TRPM6: variants seen among roughly 807,000 people sequenced by gnomAD.
The protein encoded by TRPM6 is channel kinase 2.
A neutral mutation model predicts 247.6 loss-of-function variants in TRPM6; 111 were observed. The ratio of observed to expected loss-of-function variants is 0.45; its 90% CI spans 0.38 to 0.52. The LOEUF (loss-of-function observed/expected upper bound fraction) is 0.52. Ranked by LOEUF, TRPM6 falls within the 20% of genes least tolerant of loss-of-function variation. The pLI, the probability that TRPM6 is intolerant of heterozygous loss-of-function variation, is 0.00. For synonymous variants in TRPM6, 892 were observed against 853.8 expected (o/e 1.04, Z -0.78); for missense variants, 2,126 against 2,421.5 (o/e 0.88, Z 2.56).
At chr9:74,886,964 C>T (rs912076026) in intron 1 of TRPM6, among the ~76,000 whole-genome samples, 2 of 152,172 alleles carry the variant, frequency 1.3e-5, no homozygotes, top group Non-Finnish European at 2.9e-5. Context: ...ATACAATGTG[C>T]TCAATTATAC....
At position 74,874,201 on chromosome 9, in the gene TRPM6, A is replaced by C. The variant is rs1831119035; in HGVS notation, c.33+13623T>G. 2.6e-5 allele frequency among the ~76,000 whole-genome samples: 4 copies of C among 151,326 alleles called. No homozygotes were observed. In the Admixed American group the frequency reaches 2.6e-4, roughly 10 times the overall value. ...CCATTAGCTGAGATTGTGCCACTGC[A>C]CTCCAGCCTGGGTGACAGAGTGAGA... On this transcript the variant is annotated intron_variant, in intron 1 of 38. Coordinates refer to ENST00000360774, the MANE Select transcript of TRPM6 (RefSeq NM_017662.5).
At chr9:74,730,711 C>T (rs2118691670) in intron 37 of TRPM6, among the ~76,000 whole-genome samples, 1 of 152,284 alleles carries the variant, frequency 6.6e-6, no homozygotes, top group African/African-American at 2.4e-5. Context: ...GGTCCACGTC[C>T]CATGCTTCGT....
At chr9:74,781,551 A>AG (rs1315229759) in intron 23 of TRPM6, among the ~76,000 whole-genome samples, 12,242 of 148,434 alleles carry the variant, frequency 0.082, 626 homozygotes, top group Middle Eastern at 0.13. Context: ...AAAAAAAAAA[A>AG]AAGAAGAAAA....
At chr9:74,832,653 T>A (rs913961569) in intron 6 of TRPM6, among the ~76,000 whole-genome samples, 1 of 152,194 alleles carries the variant, frequency 6.6e-6, no homozygotes, top group Non-Finnish European at 1.5e-5. Flanking sequence ...CGAAACAAAA[T>A]TGGCTATGAG....
chr9:74,725,310 G>A (rs1228033829), intron 38 of TRPM6, among the ~76,000 whole-genome samples: 2 of 152,246 alleles, frequency 1.3e-5, no homozygotes, highest in East Asian at 3.9e-4. Context: ...GAGTTAAAAT[G>A]TTTGTGACCT....
At chr9:74,876,167 T>A (rs1831187228) in intron 1 of TRPM6, among the ~76,000 whole-genome samples, 1 of 152,196 alleles carries the variant, frequency 6.6e-6, no homozygotes, top group South Asian at 2.1e-4. Context: ...CACTGCAACC[T>A]CCACCTCTCA....
chr9:74,887,008 C>CA (rs1225000708), intron 1 of TRPM6, among the ~76,000 whole-genome samples: 3 of 152,204 alleles, frequency 2.0e-5, no homozygotes, highest in Admixed American at 6.5e-5. Flanking sequence ...AAAGTCCAGA[C>CA]AAAATAGGCG....
Position 74,723,816 on chromosome 9 carries a change from ATAT to A in TRPM6, c.*794_*796del, listed in dbSNP as rs1443888008. 6.9e-6 allele frequency: 1 copy of A among 144,168 alleles called. No individual in the cohort carries two copies. The highest frequency in any genetic ancestry group is 1.5e-5 in the Non-Finnish European group (1 of 65,236). The allele number at this position is 144,168 out of a possible 1,614,324, so 8.9% of individuals were successfully genotyped here. A position where few individuals can be genotyped will look rare whatever the true frequency, so the allele number is the denominator to read the frequency against. On this transcript the variant is annotated 3_prime_UTR_variant, in exon 39 of 39. Coordinates refer to ENST00000360774, the MANE Select transcript of TRPM6 (RefSeq NM_017662.5). ...CCATCTCAAAAATAAAAATATATATATATATATATAAAATATATATATTCCATA... is the reference window on the plus strand; with the variant it reads ...CCATCTCAAAAATAAAAATATATATAATATATAAAATATATATATTCCATA...
At position 74,839,855 on chromosome 9, in the gene TRPM6, GAGGA is replaced by G. The variant is rs527635762; in HGVS notation, c.544+165_544+168del. 0.06 allele frequency among the ~76,000 whole-genome samples: 4,339 copies of G among 72,436 alleles called. 214 individuals carry two copies. Among genetic ancestry groups the G allele is most frequent in the Middle Eastern group, 0.12 (15 of 122 alleles). The allele number at this position is 72,436 out of a possible 152,430, so 47.5% of individuals were successfully genotyped here. ...AGAAAAAAGAAAAAGAGAAGAGAGA[GAGGA>G]AGGAAGGAAGGAAGGAAGGAAGGAA... On this transcript the variant is annotated intron_variant, in intron 5 of 38. Transcript: ENST00000360774.
chr9:74,809,134 G>A (rs900057929), intron 13 of TRPM6, among the ~76,000 whole-genome samples: 4 of 152,208 alleles, frequency 2.6e-5, no homozygotes, highest in African/African-American at 2.4e-5. Context: ...GGTTCAGTTC[G>A]AGACCACCAC....
In TRPM6 at chr9:74,723,222, T is replaced by C. The variant is rs923954574; in HGVS notation, c.*1391A>G. ...AACCAATGACATGTTCTCAGCCATATTTCAAAATATATATACATTCTTTAT... is the reference window on the plus strand; with the variant it reads ...AACCAATGACATGTTCTCAGCCATACTTCAAAATATATATACATTCTTTAT... On this transcript the variant is annotated 3_prime_UTR_variant, in exon 39 of 39. Coordinates refer to ENST00000360774, the MANE Select transcript of TRPM6 (RefSeq NM_017662.5). 6.6e-6 allele frequency: 1 copy of C among 152,216 alleles called. No individual in the cohort carries two copies. The highest frequency in any genetic ancestry group is 1.5e-5 in the Non-Finnish European group (1 of 68,046). The allele number at this position is 152,216 out of a possible 1,614,324, so 9.4% of individuals were successfully genotyped here. A position where few individuals can be genotyped will look rare whatever the true frequency, so the allele number is the denominator to read the frequency against.
chr9:74,884,933 ATGG>A (rs1204116402), intron 1 of TRPM6, among the ~76,000 whole-genome samples: 1 of 152,214 alleles, frequency 6.6e-6, no homozygotes, highest in East Asian at 1.9e-4. Flanking sequence ...TCCCCAAATG[ATGG>A]TGAAGAGAGA....
At chr9:74,802,573 A>C (rs7848706) in intron 15 of TRPM6, among the ~76,000 whole-genome samples, 20,440 of 152,148 alleles carry the variant, frequency 0.13, 1,415 homozygotes, top group East Asian at 0.23. Context: ...TAGAGACTAC[A>C]TGACAACTTT....
chr9:74,730,636 T>C (rs543380486), intron 37 of TRPM6, among the ~76,000 whole-genome samples: 21 of 152,318 alleles, frequency 1.4e-4, no homozygotes, highest in African/African-American at 5.1e-4. Flanking sequence ...TTTGGTTCAG[T>C]ATTTCTGGGG....
Position 74,796,725 on chromosome 9 carries a change from A to C in TRPM6, c.2391+16T>G. 6.2e-7 allele frequency: 1 copy of C among 1,613,360 alleles called. No individual in the cohort carries two copies. Among genetic ancestry groups the C allele is most frequent in the Non-Finnish European group, 8.5e-7 (1 of 1,179,306 alleles). On this transcript the variant is annotated intron_variant, in intron 18 of 38. Coordinates refer to ENST00000360774, the MANE Select transcript of TRPM6 (RefSeq NM_017662.5). ...CAATACAATGAAAATTCAGTTCATT[A>C]TGATTTTGCACTAACCACAGAAGCA...
chr9:74,879,674 G>A (rs565770773), intron 1 of TRPM6, among the ~76,000 whole-genome samples: 1 of 152,266 alleles, frequency 6.6e-6, no homozygotes, highest in African/African-American at 2.4e-5. Context: ...GACCAGGTTT[G>A]GTGAGTTCCT....
intron 6 of TRPM6, among the ~76,000 whole-genome samples, chr9:74,828,745 C>T (rs2118068459): frequency 6.6e-6 from 1 of 151,280 alleles, no homozygotes; most frequent in Admixed American, 6.6e-5. Flanking sequence ...TCTCCTGCTT[C>T]AGCCTCCCGA....
chr9:74,801,886 G>C lies in TRPM6; in HGVS notation c.2009+12C>G, dbSNP rs1828351398. ...GTTGATGTTTAGTATGAAGTGAAGA[G>C]AGAACACTTACTTTGAGTAATTCTT... On this transcript the variant is annotated intron_variant, in intron 16 of 38. Transcript: ENST00000360774. The C allele has an allele frequency of 6.2e-7, 1 of 1,613,864 alleles. No individual in the cohort carries two copies. The highest frequency in any genetic ancestry group is 8.5e-7 in the Non-Finnish European group (1 of 1,179,956).
intron 5 of TRPM6, among the ~76,000 whole-genome samples, chr9:74,839,711 T>A (rs1008640739): frequency 3.9e-5 from 6 of 152,048 alleles, no homozygotes; most frequent in African/African-American, 1.4e-4. Context: ...AATCTATGAT[T>A]CTTCTGGGTT....
Sources: gnomAD v4.1 joint callset for allele counts (sites outside exome capture counted in the v4.1 genomes callset) on GRCh38, gnomAD v4.1.1 for gene constraint, MANE v1.5 for transcripts, NCBI Gene and HGNC (gene_info 2026-07-23, HGNC 2026-07-21) for gene names.